The following NEK6 variants were observed in gnomAD, a reference collection of about 807,000 sequenced individuals.
The protein encoded by NEK6 is serine/threonine-protein kinase Nek6.
In NEK6, 27 loss-of-function variants were observed where a neutral mutation model predicts 43.5. That is an observed-to-expected ratio of 0.62 (90% CI 0.46 to 0.86). The LOEUF (loss-of-function observed/expected upper bound fraction) is 0.86. NEK6 is among the 40% of genes least tolerant of loss of function. The pLI is 0.00. For synonymous variants in NEK6, 167 were observed against 164.1 expected (o/e 1.02, Z -0.14); for missense variants, 318 against 414.4 (o/e 0.77, Z 2.02).
intron 3 of NEK6, 68 bp downstream of exon 3, chr9:124,312,717 C>G: frequency 6.6e-7 from 1 of 1,504,806 alleles, no homozygotes; most frequent in Non-Finnish European, 9.0e-7. Context: ...GACGGGGTGC[C>G]CGGGCCAGTC....
At chr9:124,330,054 C>T (rs1828890853) in intron 7 of NEK6, among the ~76,000 whole-genome samples, 1 of 152,204 alleles carries the variant, frequency 6.6e-6, no homozygotes, top group Non-Finnish European at 1.5e-5. Context: ...ATCTGGTCTC[C>T]TCCCACTTCC....
intron 1 of NEK6, among the ~76,000 whole-genome samples, chr9:124,278,596 C>CA (rs1831748961): frequency 6.6e-6 from 1 of 152,210 alleles, no homozygotes; most frequent in African/African-American, 2.4e-5. Flanking sequence ...CACACCCCCC[C>CA]ACCCCTGGCC....
chr9:124,345,194 C>T (rs73666867), intron 8 of NEK6, among the ~76,000 whole-genome samples: 2,201 of 152,310 alleles, frequency 0.014, 51 homozygotes, highest in African/African-American at 0.05. Flanking sequence ...GCAGTTCTAA[C>T]GAGGCCCCAG....
chr9:124,316,814 G>A (rs1243392286), intron 4 of NEK6, among the ~76,000 whole-genome samples: 1 of 152,208 alleles, frequency 6.6e-6, no homozygotes, highest in East Asian at 1.9e-4. Flanking sequence ...GCAGGGAAAT[G>A]GGGGAGGAGT....
intron 1 of NEK6, among the ~76,000 whole-genome samples, chr9:124,300,684 C>A (rs564078956): frequency 6.6e-6 from 1 of 152,156 alleles, no homozygotes; most frequent in Non-Finnish European, 1.5e-5. Flanking sequence ...AGACAAAACC[C>A]GCTGACCGCG....
At chr9:124,339,912 CAG>C (rs3983856) in intron 8 of NEK6, among the ~76,000 whole-genome samples, 144,028 of 152,140 alleles carry the variant, frequency 0.95, 68,604 homozygotes, top group East Asian at 1. Flanking sequence ...GAAGGGAAGA[CAG>C]AGGGAGCACA....
chr9:124,333,773 C>CTTTTTT (rs148074227), intron 7 of NEK6, among the ~76,000 whole-genome samples: 29 of 120,004 alleles, frequency 2.4e-4, no homozygotes, highest in African/African-American at 8.1e-4. Flanking sequence ...CATTTCAGTC[C>CTTTTTT]TTTTTTTTTT....
chr9:124,309,922 C>T (rs569541922), intron 2 of NEK6, among the ~76,000 whole-genome samples: 4 of 152,298 alleles, frequency 2.6e-5, no homozygotes, highest in East Asian at 1.9e-4. Context: ...GTGCAGAGGA[C>T]GTGGAGGGGA....
chr9:124,268,834 A>G (rs571600335), intron 1 of NEK6, among the ~76,000 whole-genome samples: 2 of 152,308 alleles, frequency 1.3e-5, no homozygotes, highest in African/African-American at 2.4e-5. Flanking sequence ...ATGAAGCCCA[A>G]ATGCACAGAA....
chr9:124,309,077 A>G (rs1017606916), intron 2 of NEK6, among the ~76,000 whole-genome samples: 2 of 151,528 alleles, frequency 1.3e-5, no homozygotes, highest in African/African-American at 4.9e-5. Context: ...TGCCCCCAGG[A>G]GCCTGGTGTC....
intron 1 of NEK6, among the ~76,000 whole-genome samples, chr9:124,268,437 T>C (rs1411651201): frequency 6.6e-6 from 1 of 152,210 alleles, no homozygotes; most frequent in East Asian, 1.9e-4. Flanking sequence ...TAGGGTGTGC[T>C]GTGTGCCACA....
intron 2 of NEK6, among the ~76,000 whole-genome samples, chr9:124,311,624 G>T (rs1011639012): frequency 5.3e-5 from 8 of 152,218 alleles, no homozygotes; most frequent in Non-Finnish European, 8.8e-5. Context: ...AGTCTTTGTG[G>T]AGCTCTGGTT....
chr9:124,312,518 A>G lies in NEK6; in HGVS notation c.100A>G (p.Asn34Asp), dbSNP rs758964365. The G allele has an allele frequency of 8.7e-6, 14 of 1,613,856 alleles. No homozygotes were observed. The highest frequency in any genetic ancestry group is 1.1e-5 in the Non-Finnish European group (13 of 1,179,876). ...CTGTCCCCCGTTCCAGAGGCATCCC[A>G]ACACGCTGTCTTTTCGCTGCTCGCT... ...VHPPDPQRHP[N>D]TLSFRCSLAD... Residue 34 changes from asparagine to aspartate, a missense_variant, in exon 3 of 10, where the codon AAC becomes GAC. Around this residue, in one of 2 missense-constraint regions of NEK6, gnomAD observed 239 missense variants for 344.4 expected, o/e 0.69. Coordinates refer to ENST00000320246, the MANE Select transcript of NEK6 (RefSeq NM_014397.6).
intron 1 of NEK6, among the ~76,000 whole-genome samples, chr9:124,266,961 G>A (rs189996393): frequency 3.3e-5 from 5 of 152,322 alleles, no homozygotes; most frequent in African/African-American, 4.8e-5. Context: ...AGAGTTACAG[G>A]CTCTCCTTCC....
At position 124,312,562 on chromosome 9, in the gene NEK6, AAAG is replaced by A; in HGVS notation, c.149_151del (p.Lys50del). On this transcript the variant is annotated inframe_deletion, in exon 3 of 10. Transcript: ENST00000320246. ...GCTCGCTGGCGGACTTCCAGATCGA[AAAG>A]AAGATAGGCCGAGGACAGTTCAGCG... is the stretch of plus-strand genomic sequence containing the variant. 1 of 1,614,182 alleles carries A rather than the reference AAAG, an allele frequency of 6.2e-7. No homozygotes were observed. The highest frequency in any genetic ancestry group is 8.5e-7 in the Non-Finnish European group (1 of 1,180,020).
intron 1 of NEK6, among the ~76,000 whole-genome samples, chr9:124,289,654 C>G (rs769804766): frequency 3.3e-5 from 5 of 152,172 alleles, no homozygotes; most frequent in African/African-American, 9.7e-5. Context: ...CAATTCCAGA[C>G]CGAAAAGATC....
chr9:124,292,992 C>T, intron 1 of NEK6: 1 of 1,572,660 alleles, frequency 6.4e-7, no homozygotes, highest in South Asian at 1.2e-5. Flanking sequence ...GCAGGAGGAG[C>T]AGAGCCTGCC....
chr9:124,321,757 G>A (rs769958147), intron 5 of NEK6, among the ~76,000 whole-genome samples, 188 bp downstream of exon 5: 1 of 152,228 alleles, frequency 6.6e-6, no homozygotes, highest in African/African-American at 2.4e-5. Context: ...CTCAGGGTCC[G>A]TCCCCAGCTG....
chr9:124,297,219 C>T (rs1832737118), intron 1 of NEK6, among the ~76,000 whole-genome samples: 1 of 152,188 alleles, frequency 6.6e-6, no homozygotes, highest in African/African-American at 2.4e-5. Context: ...TGCCTCAGGC[C>T]CCATGTCTGT....
Sources: allele counts gnomAD v4.1 joint callset (sites outside exome capture counted in the v4.1 genomes callset), GRCh38; gene constraint gnomAD v4.1.1; regional missense constraint gnomAD v4.1.1; transcripts MANE v1.5; gene names NCBI Gene and HGNC (gene_info 2026-07-23, HGNC 2026-07-21).